The following PPA2 variants were observed in gnomAD, a reference collection of about 807,000 sequenced individuals.
PPA2 encodes the protein inorganic pyrophosphatase 2, also known as inorganic pyrophosphatase 2, mitochondrial.
PPA2 carries 48 observed loss-of-function variants against 49.5 expected under a neutral mutation model. The ratio of observed to expected loss-of-function variants is 0.97; its 90% CI spans 0.77 to 1.23. The LOEUF (loss-of-function observed/expected upper bound fraction) is 1.23. PPA2 is among the 50% of genes most tolerant of loss of function. PPA2 has a pLI of 0.00. For synonymous variants in PPA2, 131 were observed against 139.9 expected (o/e 0.94, Z 0.45); for missense variants, 429 against 410.1 (o/e 1.05, Z -0.40).
chr4:105,452,112 T>C (rs1398129504), intron 3 of PPA2, among the ~76,000 whole-genome samples: 3 of 152,202 alleles, frequency 2.0e-5, no homozygotes, highest in Non-Finnish European at 2.9e-5. Context: ...ATAAGATGTA[T>C]GAAAAAGCAG....
rs1181228500 is a variant in PPA2, at chr4:105,426,421, T to A, written c.529-2099A>T. The stretch of plus-strand genomic sequence containing the variant: ...AGCGCCAGGGGTCAGGGGATTTCCC[T>A]TTTCTAGCCAAGGGAAGCCATGAGT... On this transcript the variant is annotated intron_variant, in intron 6 of 11. Transcript: ENST00000341695. Among the ~76,000 whole-genome samples, 5 of 152,216 alleles carry A rather than the reference T, an allele frequency of 3.3e-5. No individual in the cohort carries two copies. In the South Asian group the frequency reaches 8.3e-4, roughly 25 times the overall value.
rs561025042 is a variant in PPA2 at position 105,465,261 on chromosome 4, G to A, written c.158-8516C>T. ...CTGCTATAATTAAATTTCCTTTTTT[G>A]GTTCAGCTTCTATTTTTCTTCGTGT... On this transcript the variant is annotated intron_variant, in intron 1 of 11. Transcript: ENST00000341695. Among the ~76,000 whole-genome samples the A allele has an allele frequency of 1.1e-4, 16 of 152,026 alleles. No homozygotes were observed. In the South Asian group the frequency reaches 3.3e-3, roughly 32 times the overall value.
chr4:105,401,292 T>C (rs896956140), intron 7 of PPA2, among the ~76,000 whole-genome samples: 4 of 152,180 alleles, frequency 2.6e-5, no homozygotes. Context: ...AACTCACTCA[T>C]GATAGAACTA....
At position 105,449,321 on chromosome 4, in the gene PPA2, G is replaced by A. The variant is rs200612069; in HGVS notation, c.321+29C>T. 1,373 of 1,386,256 alleles carry A rather than the reference G, an allele frequency of 9.9e-4. 42 individuals are homozygous for A. In the South Asian group the frequency reaches 0.017, roughly 17 times the overall value. The allele number at this position is 1,386,256 out of a possible 1,614,324, so 85.9% of individuals were successfully genotyped here. A position where few individuals can be genotyped will look rare whatever the true frequency, so the allele number is the denominator to read the frequency against. On this transcript the variant is annotated intron_variant, in intron 4 of 11. Transcript: ENST00000341695. ...AGTTTTATATCATTATAATCATTTCGGTTTCATATTAATAAAGTATATCGG... is the reference window on the plus strand; with the variant it reads ...AGTTTTATATCATTATAATCATTTCAGTTTCATATTAATAAAGTATATCGG...
intron 6 of PPA2, among the ~76,000 whole-genome samples, chr4:105,428,773 CA>C (rs1176445089): frequency 6.6e-6 from 1 of 151,760 alleles, no homozygotes; most frequent in Non-Finnish European, 1.5e-5. Context: ...ACCTACGTAA[CA>C]AAACTGCACG....
chr4:105,417,395 T>A (rs912615654), intron 7 of PPA2, among the ~76,000 whole-genome samples: 7 of 152,178 alleles, frequency 4.6e-5, no homozygotes, highest in African/African-American at 1.7e-4. Flanking sequence ...ACCCTAGGGA[T>A]CTTTTAGTGA....
At chr4:105,438,919 A>G (rs1018062909) in intron 5 of PPA2, among the ~76,000 whole-genome samples, 2 of 152,080 alleles carry the variant, frequency 1.3e-5, no homozygotes, top group African/African-American at 4.8e-5. Context: ...TTACAAACAA[A>G]CTTATTTACA....
chr4:105,436,538 T>A (rs761137127), intron 6 of PPA2, among the ~76,000 whole-genome samples: 179 of 152,240 alleles, frequency 1.2e-3, no homozygotes, highest in Non-Finnish European at 2.0e-3. Context: ...AGAACAAATC[T>A]GGAGGCATCA....
chr4:105,444,337 T>C (rs1247484828), intron 5 of PPA2, among the ~76,000 whole-genome samples: 1 of 152,142 alleles, frequency 6.6e-6, no homozygotes, highest in Non-Finnish European at 1.5e-5. Flanking sequence ...GTTAAGAATT[T>C]TGTATTTTAT....
At chr4:105,466,909 A>G (rs533535770) in intron 1 of PPA2, among the ~76,000 whole-genome samples, 1 of 152,262 alleles carries the variant, frequency 6.6e-6, no homozygotes, top group East Asian at 1.9e-4. Flanking sequence ...GAATGTCCCT[A>G]GGAGGTCACA....
intron 5 of PPA2, 150 bp downstream of exon 5, chr4:105,446,233 A>G (rs1722380665): frequency 1.3e-6 from 1 of 775,216 alleles, no homozygotes; most frequent in Non-Finnish European, 1.9e-6. Flanking sequence ...TTGATATACT[A>G]AAACTCCATC....
intron 9 of PPA2, among the ~76,000 whole-genome samples, chr4:105,389,459 A>C (rs536062135): frequency 3.3e-5 from 5 of 151,668 alleles, no homozygotes; most frequent in South Asian, 4.1e-4. Flanking sequence ...AAAAAAAAAA[A>C]AAAACTAAAA....
At chr4:105,384,672 C>A (rs370495020) in intron 10 of PPA2, among the ~76,000 whole-genome samples, 17 of 152,110 alleles carry the variant, frequency 1.1e-4, no homozygotes, top group African/African-American at 3.9e-4. Flanking sequence ...TACATAGATA[C>A]AAAACTGATA....
At chr4:105,470,804 G>A (rs566483993) in intron 1 of PPA2, among the ~76,000 whole-genome samples, 13 of 152,276 alleles carry the variant, frequency 8.5e-5, no homozygotes, top group African/African-American at 2.9e-4. Flanking sequence ...CTGAGCTACC[G>A]GATGTCATCT....
intron 9 of PPA2, among the ~76,000 whole-genome samples, chr4:105,392,373 A>G (rs767407408): frequency 3.4e-5 from 5 of 148,634 alleles, no homozygotes; most frequent in Non-Finnish European, 7.4e-5. Flanking sequence ...TACCTGGATT[A>G]AAAAAAAACA....
chr4:105,381,240 T>C (rs1423739431), intron 10 of PPA2, among the ~76,000 whole-genome samples: 6 of 152,096 alleles, frequency 3.9e-5, no homozygotes, highest in Admixed American at 3.3e-4. Flanking sequence ...GGGTTATCTT[T>C]TTCTTGTGAG....
intron 10 of PPA2, among the ~76,000 whole-genome samples, chr4:105,384,326 G>A (rs1316460604): frequency 6.6e-6 from 1 of 152,108 alleles, no homozygotes; most frequent in Non-Finnish European, 1.5e-5. Flanking sequence ...AAGTTACCAA[G>A]CCAGGTAATT....
chr4:105,436,367 A>G (rs1724057453), intron 6 of PPA2, among the ~76,000 whole-genome samples: 1 of 152,198 alleles, frequency 6.6e-6, no homozygotes. Flanking sequence ...GGAAGAATCA[A>G]TATTGTTAAA....
chr4:105,388,431 T>C (rs1472107677), intron 9 of PPA2, among the ~76,000 whole-genome samples: 1 of 151,972 alleles, frequency 6.6e-6, no homozygotes, highest in Non-Finnish European at 1.5e-5. Flanking sequence ...TTTTAAAAAT[T>C]AAAAAAATTT....
Sources: allele counts gnomAD v4.1 joint callset (sites outside exome capture counted in the v4.1 genomes callset), GRCh38; gene constraint gnomAD v4.1.1; transcripts MANE v1.5; gene names NCBI Gene and HGNC (gene_info 2026-07-23, HGNC 2026-07-21).